Variants in FHIT observed in about 807,000 individuals in gnomAD.
FHIT encodes the protein fragile histidine triad diadenosine triphosphatase.
Under a neutral mutation model 17.9 loss-of-function variants are expected in FHIT, and 19 were observed. The observed-to-expected ratio is 1.06, with a 90% confidence interval of 0.74 to 1.56. The LOEUF (loss-of-function observed/expected upper bound fraction) is 1.56, where lower values mean the gene tolerates loss of function less well. Among genes scored for constraint, FHIT ranks in the 40% most tolerant of loss-of-function variants. The pLI is 0.00. For missense variants in FHIT, 248 were observed against 189.2 expected (o/e 1.31, Z -1.82); for synonymous variants, 81 against 69.7 (o/e 1.16, Z -0.81).
chr3:60,892,190 G>C (rs1553760883), intron 3 of FHIT, among the ~76,000 whole-genome samples: 1 of 152,052 alleles, frequency 6.6e-6, no homozygotes, highest in African/African-American at 2.4e-5. Flanking sequence ...AGGTTTGTTT[G>C]GTTTTTTCTT....
At chr3:61,093,183 C>G (rs2035539050) in intron 2 of FHIT, among the ~76,000 whole-genome samples, 1 of 152,138 alleles carries the variant, frequency 6.6e-6, no homozygotes, top group African/African-American at 2.4e-5. Flanking sequence ...ATGGAAGGGT[C>G]TTGACACTTT....
chr3:59,869,856 G>C (rs1201881777), intron 8 of FHIT, among the ~76,000 whole-genome samples: 1 of 151,728 alleles, frequency 6.6e-6, no homozygotes, highest in East Asian at 1.9e-4. Flanking sequence ...GTAATTCCAG[G>C]GAAATTTTAC....
chr3:61,037,021 A>G (rs928753652), intron 3 of FHIT, among the ~76,000 whole-genome samples: 9 of 150,906 alleles, frequency 6.0e-5, no homozygotes, highest in African/African-American at 1.2e-4. Flanking sequence ...ACGCCACTCT[A>G]CTGCCTCAGC....
intron 4 of FHIT, among the ~76,000 whole-genome samples, chr3:60,767,667 T>A (rs1243702657): frequency 1.3e-5 from 2 of 152,206 alleles, no homozygotes; most frequent in Admixed American, 6.5e-5. Context: ...CAGATGGCTA[T>A]CAGACTATCT....
At chr3:61,050,077 C>A (rs2033969903) in intron 2 of FHIT, among the ~76,000 whole-genome samples, 1 of 150,430 alleles carries the variant, frequency 6.6e-6, no homozygotes, top group South Asian at 2.1e-4. Context: ...ACGGTTTAAC[C>A]ATTTCTTTGG....
intron 4 of FHIT, among the ~76,000 whole-genome samples, chr3:60,673,865 C>T (rs567451171): frequency 3.3e-5 from 5 of 152,138 alleles, no homozygotes; most frequent in Admixed American, 2.0e-4. Context: ...ATCAGTTGGC[C>T]GTCATACATC....
intron 2 of FHIT, among the ~76,000 whole-genome samples, chr3:61,187,715 A>T: frequency 6.6e-6 from 1 of 152,214 alleles, no homozygotes; most frequent in Non-Finnish European, 1.5e-5. Flanking sequence ...AAAGAACAGA[A>T]ATTAGAAGAA....
At chr3:60,943,404 G>A (rs912687514) in intron 3 of FHIT, among the ~76,000 whole-genome samples, 13 of 151,856 alleles carry the variant, frequency 8.6e-5, no homozygotes, top group Admixed American at 3.3e-4. Context: ...TATTTTGTCC[G>A]ATATTAATAG....
At chr3:60,701,325 A>G (rs2041241687) in intron 4 of FHIT, among the ~76,000 whole-genome samples, 1 of 151,966 alleles carries the variant, frequency 6.6e-6, no homozygotes, top group Non-Finnish European at 1.5e-5. Flanking sequence ...GACAGAGCCA[A>G]TTTCTCAAGA....
At chr3:60,460,360 C>T (rs886657571) in intron 5 of FHIT, among the ~76,000 whole-genome samples, 1 of 151,980 alleles carries the variant, frequency 6.6e-6, no homozygotes, top group African/African-American at 2.4e-5. Flanking sequence ...ATGGGAATCA[C>T]AGCTTCCTTC....
chr3:60,150,605 C>T (rs1233734468), intron 5 of FHIT, among the ~76,000 whole-genome samples: 1 of 152,178 alleles, frequency 6.6e-6, no homozygotes, highest in Non-Finnish European at 1.5e-5. Context: ...TATAGGTGTG[C>T]ACCTTAATTA....
chr3:59,998,420 G>A (rs896801599), intron 7 of FHIT, among the ~76,000 whole-genome samples: 1 of 152,058 alleles, frequency 6.6e-6, no homozygotes, highest in African/African-American at 2.4e-5. Context: ...CCACCAGAGA[G>A]GAAAAGCCTA....
intron 5 of FHIT, among the ~76,000 whole-genome samples, chr3:60,358,646 G>A (rs1276097723): frequency 6.6e-6 from 1 of 152,130 alleles, no homozygotes; most frequent in East Asian, 1.9e-4. Context: ...GCTAAGTAAA[G>A]AAGGGGCTGA....
intron 5 of FHIT, among the ~76,000 whole-genome samples, chr3:60,102,685 A>G (rs1704242978): frequency 6.6e-6 from 1 of 152,118 alleles, no homozygotes; most frequent in Non-Finnish European, 1.5e-5. Context: ...AAGGTCACCC[A>G]TGTCAATAAC....
intron 5 of FHIT, among the ~76,000 whole-genome samples, chr3:60,374,723 G>A (rs1463707544): frequency 6.6e-6 from 1 of 151,898 alleles, no homozygotes; most frequent in Non-Finnish European, 1.5e-5. Context: ...GCAGCCCGAA[G>A]TCAAGATCAA....
intron 5 of FHIT, among the ~76,000 whole-genome samples, chr3:60,364,595 G>A (rs1275063752): frequency 6.6e-6 from 1 of 152,148 alleles, no homozygotes; most frequent in Admixed American, 6.5e-5. Context: ...GCATTCCATT[G>A]AGCAACACAG....
intron 3 of FHIT, among the ~76,000 whole-genome samples, chr3:60,947,998 A>G (rs1446377433): frequency 6.6e-6 from 1 of 152,216 alleles, no homozygotes; most frequent in Admixed American, 6.5e-5. Flanking sequence ...TCCTAGTTTA[A>G]TAAACCCTAA....
chr3:60,438,228 C>A (rs780489770), intron 5 of FHIT, among the ~76,000 whole-genome samples: 1 of 152,042 alleles, frequency 6.6e-6, no homozygotes, highest in Non-Finnish European at 1.5e-5. Flanking sequence ...TGTCCTCAGA[C>A]TGACCCTGTG....
chr3:61,192,334 A>G (rs557654242), intron 2 of FHIT, among the ~76,000 whole-genome samples: 2 of 152,344 alleles, frequency 1.3e-5, no homozygotes, highest in South Asian at 2.1e-4. Context: ...AATTCACAAA[A>G]TAATTGACAG....
Sources: gnomAD v4.1 joint callset for allele counts (sites outside exome capture counted in the v4.1 genomes callset) on GRCh38, gnomAD v4.1.1 for gene constraint, MANE v1.5 for transcripts, NCBI Gene and HGNC (gene_info 2026-07-23, HGNC 2026-07-21) for gene names.